Variants in MAMDC2 observed in about 807,000 individuals in gnomAD.
MAMDC2 encodes MAM domain-containing protein 2.
In MAMDC2, 57 loss-of-function variants were observed where a neutral mutation model predicts 89.8. The ratio of observed to expected loss-of-function variants is 0.63; its 90% CI spans 0.51 to 0.79. The LOEUF is 0.79. Among genes scored for constraint, MAMDC2 ranks in the 30% least tolerant of loss-of-function variants. The probability of loss-of-function intolerance (pLI) is 0.00; values close to 1 mark genes in which losing one functional copy is unlikely to be tolerated. For missense variants in MAMDC2, 800 were observed against 820.6 expected (o/e 0.97, Z 0.31); for synonymous variants, 313 against 293.4 (o/e 1.07, Z -0.68).
At chr9:70,207,401 G>A (rs1211351353) in intron 11 of MAMDC2, among the ~76,000 whole-genome samples, 2 of 152,210 alleles carry the variant, frequency 1.3e-5, no homozygotes, top group African/African-American at 2.4e-5. Context: ...CATTATTCAT[G>A]TGTCTGTTGA....
intron 5 of MAMDC2, among the ~76,000 whole-genome samples, chr9:70,119,408 G>A (rs1003396548): frequency 3.3e-5 from 5 of 152,176 alleles, no homozygotes; most frequent in Non-Finnish European, 7.3e-5. Flanking sequence ...AGTTTGGAAT[G>A]AGCAAGAGTC....
intron 9 of MAMDC2, among the ~76,000 whole-genome samples, chr9:70,152,279 C>T (rs919570413): frequency 1.3e-5 from 2 of 152,186 alleles, no homozygotes; most frequent in East Asian, 1.9e-4. Context: ...GATGAAGCAA[C>T]GCTAAGAGTT....
At chr9:70,205,894 T>C (rs971411967) in intron 11 of MAMDC2, among the ~76,000 whole-genome samples, 1 of 152,218 alleles carries the variant, frequency 6.6e-6, no homozygotes, top group African/African-American at 2.4e-5. Flanking sequence ...AGGGCTTTTC[T>C]CTGCTTTCCA....
At chr9:70,168,594 G>A in intron 9 of MAMDC2, 108 bp from the exon 10 acceptor site, 1 of 741,856 alleles carries the variant, frequency 1.3e-6, no homozygotes, top group Non-Finnish European at 2.4e-6. Flanking sequence ...CTGAAGAGCT[G>A]CTTGTAGTTT....
intron 7 of MAMDC2, among the ~76,000 whole-genome samples, chr9:70,139,888 G>T (rs2031148866): frequency 6.6e-6 from 1 of 152,066 alleles, no homozygotes; most frequent in Admixed American, 6.6e-5. Context: ...TTGAAGTCGG[G>T]TACTTCATTT....
At chr9:70,202,303 C>T (rs1237150618) in intron 11 of MAMDC2, among the ~76,000 whole-genome samples, 2 of 151,794 alleles carry the variant, frequency 1.3e-5, no homozygotes, top group South Asian at 2.1e-4. Context: ...GCCTTCATTT[C>T]GTTATGTACC....
chr9:70,099,193 T>G (rs1194943100), intron 2 of MAMDC2, among the ~76,000 whole-genome samples: 1 of 152,186 alleles, frequency 6.6e-6, no homozygotes, highest in Non-Finnish European at 1.5e-5. Context: ...ATTGTGAATC[T>G]GATTAATTGA....
At position 70,126,355 on chromosome 9, in the gene MAMDC2, G is replaced by T. The variant is rs750222669; in HGVS notation, c.840G>T (p.Arg280Ser). 1.2e-6 allele frequency: 2 copies of T among 1,614,152 alleles called. No individual in the cohort carries two copies. Among genetic ancestry groups the T allele is most frequent in the Admixed American group, 1.7e-5 (1 of 60,018 alleles). The change falls in exon 6 of 14, where the codon AGG becomes AGT. Residue 280 changes from arginine (R) to serine (S), a missense_variant. Physicochemically the swap from Arg to Ser is moderately radical, Grantham distance 110 (BLOSUM62 -1). Transcript: ENST00000377182. ...ACGAGGAAATCTGGAAAGCAGACAG[G>T]CCAGGGAATGCTGCCTGGAACCTTG... Reference protein sequence around the residue: ...GLYEEIWKADRPGNAAWNLAE... With the variant: ...GLYEEIWKADSPGNAAWNLAE...
chr9:70,131,783 C>T (rs1430701188), intron 7 of MAMDC2, among the ~76,000 whole-genome samples, 171 bp downstream of exon 7: 1 of 152,154 alleles, frequency 6.6e-6, no homozygotes, highest in African/African-American at 2.4e-5. Context: ...TCTTTTCCTC[C>T]CTCACAGAGG....
chr9:70,215,064 T>A (rs1653476388), intron 11 of MAMDC2, among the ~76,000 whole-genome samples: 2 of 151,966 alleles, frequency 1.3e-5, no homozygotes, highest in South Asian at 4.2e-4. Context: ...ATCAAGGAAG[T>A]AAGAATAGCG....
chr9:70,162,277 T>G (rs546535828), intron 9 of MAMDC2, among the ~76,000 whole-genome samples: 2 of 152,294 alleles, frequency 1.3e-5, no homozygotes, highest in South Asian at 4.1e-4. Context: ...ATAACAAAGA[T>G]TTGATTTGAT....
In MAMDC2 at chr9:70,063,873, G is replaced by T. The variant is rs80276178; in HGVS notation, c.148+19176G>T. On this transcript the variant is annotated intron_variant, in intron 2 of 13. Transcript: ENST00000377182. Reference sequence around the variant, plus strand: ...GTGTATGTTTTTAAATATTGCATCTGGCATTTGTACCCAAGTGGGCTTCAT... The same window carrying T: ...GTGTATGTTTTTAAATATTGCATCTTGCATTTGTACCCAAGTGGGCTTCAT... Among the ~76,000 whole-genome samples the T allele has an allele frequency of 2.0e-4, 30 of 152,150 alleles. No homozygotes were observed. The East Asian group carries it at 4.5e-3, about 23-fold the overall frequency.
At chr9:70,215,798 G>C (rs554516680) in intron 11 of MAMDC2, among the ~76,000 whole-genome samples, 50 of 152,318 alleles carry the variant, frequency 3.3e-4, no homozygotes, top group South Asian at 6.2e-4. Flanking sequence ...TTTGCAGGGT[G>C]AGAACTTTAT....
intron 2 of MAMDC2, among the ~76,000 whole-genome samples, chr9:70,071,132 T>A (rs982043499): frequency 6.6e-6 from 1 of 152,158 alleles, no homozygotes; most frequent in African/African-American, 2.4e-5. Context: ...CTGGTTTTGA[T>A]AGAGTTAACT....
intron 2 of MAMDC2, among the ~76,000 whole-genome samples, chr9:70,085,310 C>T (rs1827744561): frequency 6.6e-6 from 1 of 151,940 alleles, no homozygotes; most frequent in African/African-American, 2.4e-5. Context: ...AACTTGTTCC[C>T]CTAGGCTCCT....
intron 11 of MAMDC2, among the ~76,000 whole-genome samples, chr9:70,211,507 T>G (rs2033353381): frequency 6.6e-6 from 1 of 152,248 alleles, no homozygotes; most frequent in Non-Finnish European, 1.5e-5. Context: ...CTATACTGTT[T>G]ATTCTAGTTA....
At chr9:70,136,544 T>C (rs2031019342) in intron 7 of MAMDC2, among the ~76,000 whole-genome samples, 1 of 152,170 alleles carries the variant, frequency 6.6e-6, no homozygotes, top group South Asian at 2.1e-4. Context: ...CCCACACATC[T>C]AATAACTGAG....
At chr9:70,207,481 A>AT (rs1354023342) in intron 11 of MAMDC2, among the ~76,000 whole-genome samples, 1 of 150,574 alleles carries the variant, frequency 6.6e-6, no homozygotes, top group Non-Finnish European at 1.5e-5. Flanking sequence ...GGGCTGTTTG[A>AT]TTTTTTTCTT....
chr9:70,157,789 T>C (rs189753704), intron 9 of MAMDC2: 139 of 152,606 alleles, frequency 9.1e-4, no homozygotes, highest in African/African-American at 3.2e-3. Flanking sequence ...GGTTGCAACA[T>C]ATGCAACAAA....
Sources: allele counts gnomAD v4.1 joint callset (sites outside exome capture counted in the v4.1 genomes callset), GRCh38; gene constraint gnomAD v4.1.1; transcripts MANE v1.5; gene names NCBI Gene and HGNC (gene_info 2026-07-23, HGNC 2026-07-21).